The following VPS13D variants were observed in gnomAD, a reference collection of about 807,000 sequenced individuals.
The protein encoded by VPS13D is vacuolar protein sorting 13 homolog D.
VPS13D carries 187 observed loss-of-function variants against 461.9 expected under a neutral mutation model. That is an observed-to-expected ratio of 0.40 (90% CI 0.36 to 0.46). The LOEUF (loss-of-function observed/expected upper bound fraction) is 0.46, where lower values mean the gene tolerates loss of function less well. Ranked by LOEUF, VPS13D falls within the 20% of genes least tolerant of loss-of-function variation. VPS13D has a pLI of 0.60. For synonymous variants in VPS13D, 1,951 were observed against 1,986.3 expected (o/e 0.98, Z 0.47); for missense variants, 4,711 against 5,364.9 (o/e 0.88, Z 3.81).
chr1:12,479,605 G>A (rs573752631), intron 67 of VPS13D, among the ~76,000 whole-genome samples: 30 of 152,320 alleles, frequency 2.0e-4, no homozygotes, highest in Non-Finnish European at 4.0e-4. Context: ...AGATCTCAGA[G>A]GTAGTAAGGA....
chr1:12,488,783 G>A (rs994833528), intron 67 of VPS13D, among the ~76,000 whole-genome samples: 1 of 152,026 alleles, frequency 6.6e-6, no homozygotes, highest in African/African-American at 2.4e-5. Flanking sequence ...ACCAGAGATG[G>A]TGTATTTCGG....
At chr1:12,506,427 A>G (rs144623492) in intron 68 of VPS13D, among the ~76,000 whole-genome samples, 2,940 of 152,306 alleles carry the variant, frequency 0.019, 115 homozygotes, top group Admixed American at 0.1. Context: ...GGGGAGGTGC[A>G]GGTGTTTTAA....
At chr1:12,292,682 A>G (rs1447579645) in intron 23 of VPS13D, among the ~76,000 whole-genome samples, 1 of 151,944 alleles carries the variant, frequency 6.6e-6, no homozygotes, top group Non-Finnish European at 1.5e-5. Context: ...CAGGCAGTCT[A>G]CCGGCCTCGG....
At chr1:12,233,819 G>A (rs974664963) in intron 1 of VPS13D, among the ~76,000 whole-genome samples, 5 of 152,192 alleles carry the variant, frequency 3.3e-5, no homozygotes, top group East Asian at 1.9e-4. Flanking sequence ...TGGCTGAGGC[G>A]GGTGGATCAC....
At position 12,505,743 on chromosome 1, in the gene VPS13D, G is replaced by A. The variant is rs1646096443; in HGVS notation, c.12795-1110G>A. Among the ~76,000 whole-genome samples the A allele has an allele frequency of 6.6e-6, 1 of 152,246 alleles. No homozygotes were observed. The highest frequency in any genetic ancestry group is 6.5e-5 in the Admixed American group (1 of 15,286). ...GGAGGGGCTGGAGTATGTGGGGGATGCTTCACAGAGAAGTTAGAACCTGTG... is the reference window on the plus strand; with the variant it reads ...GGAGGGGCTGGAGTATGTGGGGGATACTTCACAGAGAAGTTAGAACCTGTG... On this transcript the variant is annotated intron_variant, in intron 68 of 69. Transcript: ENST00000620676. The surrounding 1 kb of genome is among the most constrained non-coding windows in gnomAD (Gnocchi z 4.2).
chr1:12,335,711 A>G lies in VPS13D; in HGVS notation c.8435A>G (p.Tyr2812Cys), dbSNP rs1350683469. Residue 2812 changes from tyrosine to cysteine, a missense_variant, in exon 39 of 70, where the codon TAT becomes TGT. Physicochemically the swap from Tyr to Cys is radical, Grantham distance 194. Transcript: ENST00000620676. Reference protein sequence around the residue: ...INITSVLIDQYVSTKESWMAD... With the variant: ...INITSVLIDQCVSTKESWMAD... ...TCTGGGGGATTCTTTCTAGACCAGT[A>G]TGTAAGTACCAAGGAATCGTGGATG... 1.2e-6 allele frequency: 2 copies of G among 1,613,222 alleles called. No homozygotes were observed. The highest frequency in any genetic ancestry group is 1.7e-6 in the Non-Finnish European group (2 of 1,179,584).
chr1:12,459,298 G>A (rs1253645547), intron 66 of VPS13D, among the ~76,000 whole-genome samples: 1 of 152,148 alleles, frequency 6.6e-6, no homozygotes, highest in Non-Finnish European at 1.5e-5. Flanking sequence ...ATCTAGAGGT[G>A]ATTTAACGTA....
chr1:12,441,403 G>A (rs1645129385), intron 65 of VPS13D, among the ~76,000 whole-genome samples: 2 of 152,166 alleles, frequency 1.3e-5, no homozygotes, highest in African/African-American at 4.8e-5. Context: ...TTAAAGCATG[G>A]ACGCCAGCTT....
Position 12,242,506 on chromosome 1 carries a change from T to C in VPS13D, c.98-7T>C. On this transcript the variant is annotated splice_region_variant and splice_polypyrimidine_tract_variant and intron_variant, in intron 2 of 69. Transcript: ENST00000620676. ...TGGATATTTCATGATGCTGTTTTTA[T>C]TTTTAGGTGCTGTTGAATTAGAAAA... 3.1e-6 allele frequency: 5 copies of C among 1,612,902 alleles called. No individual in the cohort carries two copies. The highest frequency in any genetic ancestry group is 4.2e-6 in the Non-Finnish European group (5 of 1,178,928).
chr1:12,484,820 T>C (rs367977087), intron 67 of VPS13D, among the ~76,000 whole-genome samples: 1 of 152,198 alleles, frequency 6.6e-6, no homozygotes, highest in Non-Finnish European at 1.5e-5. Flanking sequence ...CTCCTTTTTG[T>C]TGAATCCGAA....
At chr1:12,387,821 G>GA (rs917828060) in intron 60 of VPS13D, among the ~76,000 whole-genome samples, 21 of 151,892 alleles carry the variant, frequency 1.4e-4, no homozygotes, top group Admixed American at 3.3e-4. Flanking sequence ...AAAGGAACAA[G>GA]AAAAAAAAGA....
chr1:12,293,091 G>T (rs1283737498), intron 23 of VPS13D, among the ~76,000 whole-genome samples: 1 of 152,176 alleles, frequency 6.6e-6, no homozygotes, highest in Non-Finnish European at 1.5e-5. Flanking sequence ...TAAGTAAAAA[G>T]ATGTCTTTCT....
chr1:12,412,854 A>G (rs1259862747), intron 63 of VPS13D, among the ~76,000 whole-genome samples: 1 of 152,212 alleles, frequency 6.6e-6, no homozygotes, highest in Non-Finnish European at 1.5e-5. Context: ...TTTAAAGAGT[A>G]GTAAGATAAG....
rs1640818621 is a variant in VPS13D at position 12,253,781 on chromosome 1, T to C, written c.624T>C (p.Asp208=). 6.2e-7 allele frequency: 1 copy of C among 1,614,050 alleles called. No individual in the cohort carries two copies. Among genetic ancestry groups the C allele is most frequent in the Non-Finnish European group, 8.5e-7 (1 of 1,180,020 alleles). ...TAGCAGAATTTAGCATCTATTGGGA[T>C]GTCGATTGCACTTTACTGGGGGATT... The part of the protein sequence containing the change: ...LDVAEFSIYW[D]VDCTLLGDLP... Residue 208 remains aspartate (D), a synonymous_variant, in exon 7 of 70, where the codon GAT becomes GAC. Transcript: ENST00000620676.
At chr1:12,369,313 C>T (rs1033672975) in intron 53 of VPS13D, among the ~76,000 whole-genome samples, 154 bp from the exon 54 acceptor site, 8 of 151,868 alleles carry the variant, frequency 5.3e-5, no homozygotes. Flanking sequence ...TAGAAACATT[C>T]GAAAGGTGAG....
chr1:12,301,500 C>A (rs1642424491), intron 25 of VPS13D, among the ~76,000 whole-genome samples: 1 of 152,202 alleles, frequency 6.6e-6, no homozygotes, highest in African/African-American at 2.4e-5. Context: ...TAGGGCGAGA[C>A]CCCGCAGCGT....
intron 13 of VPS13D, 51 bp downstream of exon 13, chr1:12,262,131 A>T: frequency 1.3e-6 from 2 of 1,554,504 alleles, no homozygotes; most frequent in East Asian, 4.5e-5. Flanking sequence ...CTGTGGGCCA[A>T]TGTCCAGGCG....
chr1:12,384,896 C>T (rs1040760187), intron 58 of VPS13D, among the ~76,000 whole-genome samples: 2 of 152,186 alleles, frequency 1.3e-5, no homozygotes, highest in South Asian at 2.1e-4. Context: ...GCTTGGACTA[C>T]AGGTGTGTGC....
intron 10 of VPS13D, among the ~76,000 whole-genome samples, chr1:12,260,314 C>T (rs888775545): frequency 1.6e-4 from 24 of 152,102 alleles, no homozygotes; most frequent in African/African-American, 4.3e-4. Context: ...CGTGAGCCAC[C>T]GCACCTGGCC....
Sources: gnomAD v4.1 joint callset for allele counts (sites outside exome capture counted in the v4.1 genomes callset) on GRCh38, gnomAD v4.1.1 for gene constraint, Gnocchi (gnomAD v3.1) non-coding constraint, MANE v1.5 for transcripts, NCBI Gene and HGNC (gene_info 2026-07-23, HGNC 2026-07-21) for gene names.